Variants in PTPRD observed in about 807,000 individuals in gnomAD.
PTPRD encodes the protein receptor-type tyrosine-protein phosphatase delta.
Under a neutral mutation model 214.5 loss-of-function variants are expected in PTPRD, and 34 were observed. That is an observed-to-expected ratio of 0.16 (90% CI 0.12 to 0.21). The LOEUF is 0.21. PTPRD is among the 10% of genes least tolerant of loss of function. The pLI, the probability that PTPRD is intolerant of heterozygous loss-of-function variation, is 1.00. For missense variants in PTPRD, 2,545 were observed against 2,398.7 expected, an observed-to-expected ratio of 1.06 and a Z score of -1.27; for synonymous variants, 1,128 against 845.7, an observed-to-expected ratio of 1.33 and a Z score of -5.79.
chr9:9,480,735 G>A (rs1316833145), intron 8 of PTPRD, among the ~76,000 whole-genome samples: 2 of 151,790 alleles, frequency 1.3e-5, no homozygotes, highest in Non-Finnish European at 2.9e-5. Flanking sequence ...TTTTATTTAG[G>A]ATGCAATAGT....
intron 3 of PTPRD, among the ~76,000 whole-genome samples, chr9:10,335,499 A>C (rs934029297): frequency 6.6e-6 from 1 of 151,798 alleles, no homozygotes; most frequent in Non-Finnish European, 1.5e-5. Flanking sequence ...AACTCTTACA[A>C]GATATCATAG....
rs1414148511 is a variant in PTPRD, at chr9:8,317,437, G to C, written c.*437C>G. 2 of 238,286 alleles carry C rather than the reference G, an allele frequency of 8.4e-6. No homozygotes were observed. Among genetic ancestry groups the C allele is most frequent in the Admixed American group, 5.3e-5 (1 of 19,042 alleles). The allele number at this position is 238,286 out of a possible 1,614,324, so 14.8% of individuals were successfully genotyped here. ...TCCCCCTAAAATGTTATTATGAGCA[G>C]TATGGTGGGAAGGGGCGATGTCAAA... On this transcript the variant is annotated 3_prime_UTR_variant, in exon 46 of 46. Transcript: ENST00000381196.
chr9:10,424,063 A>C (rs1244142206), intron 2 of PTPRD, among the ~76,000 whole-genome samples: 1 of 152,004 alleles, frequency 6.6e-6, no homozygotes, highest in Non-Finnish European at 1.5e-5. Context: ...AAGCAAGAAA[A>C]TAGATTACAT....
chr9:10,035,874 G>T (rs2097171229), intron 3 of PTPRD, among the ~76,000 whole-genome samples: 1 of 151,656 alleles, frequency 6.6e-6, no homozygotes, highest in African/African-American at 2.4e-5. Context: ...CAGCAAGACA[G>T]CATGCTTCTG....
At chr9:9,961,331 T>G (rs2094350098) in intron 4 of PTPRD, among the ~76,000 whole-genome samples, 1 of 152,152 alleles carries the variant, frequency 6.6e-6, no homozygotes, top group African/African-American at 2.4e-5. Flanking sequence ...TGTTCCTTGT[T>G]TGAGAAACAA....
At chr9:8,593,380 G>A (rs932383239) in intron 14 of PTPRD, among the ~76,000 whole-genome samples, 2 of 152,140 alleles carry the variant, frequency 1.3e-5, no homozygotes, top group East Asian at 1.9e-4. Context: ...CAAAAGGTAC[G>A]TAGACCTGGT....
chr9:8,485,962 G>C lies in PTPRD; in HGVS notation c.2855C>G (p.Thr952Ser), dbSNP rs751692283. The C allele has an allele frequency of 2.5e-6, 4 of 1,614,158 alleles. No homozygotes were observed. The highest frequency in any genetic ancestry group is 2.5e-6 in the Non-Finnish European group (3 of 1,180,018). Reference protein sequence around the residue: ...PVLAERNGIITKYTLLYRDIN... With the variant: ...PVLAERNGIISKYTLLYRDIN... ...ATCCCTATAAAGAAGGGTATACTTGGTGATAATGCCATTTCTCTCTGCCAG... is the reference window on the plus strand; with the variant it reads ...ATCCCTATAAAGAAGGGTATACTTGCTGATAATGCCATTTCTCTCTGCCAG... The change falls in exon 28 of 46, where the codon ACC becomes AGC. Residue 952 changes from threonine to serine, a missense_variant. By Grantham distance (58) the Thr-to-Ser change is moderately conservative. Coordinates refer to ENST00000381196, the MANE Select transcript of PTPRD (RefSeq NM_002839.4).
chr9:8,449,603 A>G, intron 34 of PTPRD, 122 bp downstream of exon 34: 1 of 916,624 alleles, frequency 1.1e-6, no homozygotes, highest in East Asian at 2.5e-5. Flanking sequence ...TAATAGTAAA[A>G]TAAAAGAGCA....
At position 8,820,016 on chromosome 9, in the gene PTPRD, A is replaced by G. The variant is rs561135209; in HGVS notation, c.-103-86070T>C. On this transcript the variant is annotated intron_variant, in intron 11 of 45. Transcript: ENST00000381196. ...GTAGCCATTCACAGCAGACGGCATC[A>G]CTTTTGAGGCAACATTTCAGACATT... Among the ~76,000 whole-genome samples, 136 of 152,320 alleles carry G rather than the reference A, an allele frequency of 8.9e-4. 1 individual carries two copies. The highest frequency in any genetic ancestry group is 3.1e-3 in the African/African-American group (130 of 41,574).
intron 2 of PTPRD, among the ~76,000 whole-genome samples, chr9:10,474,189 C>A (rs565360442): frequency 6.6e-6 from 1 of 151,906 alleles, no homozygotes; most frequent in African/African-American, 2.4e-5. Flanking sequence ...CACAGGCTGG[C>A]AAGTTGGAGA....
At chr9:9,497,216 C>T (rs935694664) in intron 8 of PTPRD, among the ~76,000 whole-genome samples, 1 of 152,094 alleles carries the variant, frequency 6.6e-6, no homozygotes, top group African/African-American at 2.4e-5. Flanking sequence ...TGCCACTGAG[C>T]TGTACACTTA....
At chr9:9,794,108 TAGAC>T (rs1255897456) in intron 5 of PTPRD, among the ~76,000 whole-genome samples, 6 of 151,550 alleles carry the variant, frequency 4.0e-5, no homozygotes, top group East Asian at 1.9e-4. Context: ...TCAAGAGAGT[TAGAC>T]AGATAAACAT....
At chr9:9,296,574 A>G (rs1953133053) in intron 9 of PTPRD, among the ~76,000 whole-genome samples, 1 of 151,730 alleles carries the variant, frequency 6.6e-6, no homozygotes, top group South Asian at 2.1e-4. Flanking sequence ...GAGTGATAGT[A>G]GAGTTCTAAT....
chr9:9,324,813 T>G (rs1356384759), intron 9 of PTPRD, among the ~76,000 whole-genome samples: 1 of 152,240 alleles, frequency 6.6e-6, no homozygotes, highest in African/African-American at 2.4e-5. Flanking sequence ...TCTAGGGTTT[T>G]TATGGTTTTA....
intron 10 of PTPRD, among the ~76,000 whole-genome samples, chr9:9,052,817 T>C (rs1055097373): frequency 1.3e-5 from 2 of 152,222 alleles, no homozygotes; most frequent in Non-Finnish European, 2.9e-5. Flanking sequence ...CACTTGTTTT[T>C]TTCATGGCAA....
chr9:10,295,535 C>A (rs2095649660), intron 3 of PTPRD, among the ~76,000 whole-genome samples: 1 of 152,038 alleles, frequency 6.6e-6, no homozygotes, highest in Non-Finnish European at 1.5e-5. Flanking sequence ...TCCGATTACT[C>A]CCTTCTCTGT....
intron 3 of PTPRD, among the ~76,000 whole-genome samples, chr9:10,295,803 C>T (rs573349302): frequency 6.6e-6 from 1 of 152,172 alleles, no homozygotes; most frequent in South Asian, 2.1e-4. Flanking sequence ...AAGCAGAGAA[C>T]TTTCCCTGGC....
At chr9:9,290,691 A>G (rs892220769) in intron 9 of PTPRD, among the ~76,000 whole-genome samples, 1 of 151,610 alleles carries the variant, frequency 6.6e-6, no homozygotes, top group South Asian at 2.1e-4. Flanking sequence ...ATCAATGATT[A>G]GCATGAACAA....
At chr9:9,785,731 A>T (rs566020628) in intron 5 of PTPRD, among the ~76,000 whole-genome samples, 1 of 152,256 alleles carries the variant, frequency 6.6e-6, no homozygotes, top group African/African-American at 2.4e-5. Flanking sequence ...AATGTCTCAT[A>T]TTAATTAATA....
Sources: gnomAD v4.1 joint callset for allele counts (sites outside exome capture counted in the v4.1 genomes callset) on GRCh38, gnomAD v4.1.1 for gene constraint, MANE v1.5 for transcripts, NCBI Gene and HGNC (gene_info 2026-07-23, HGNC 2026-07-21) for gene names.